VPS13B: variants seen among roughly 807,000 people sequenced by gnomAD.
VPS13B encodes intermembrane lipid transfer protein VPS13B.
A neutral mutation model predicts 426.4 loss-of-function variants in VPS13B; 285 were observed. That is an observed-to-expected ratio of 0.67 (90% CI 0.61 to 0.74). VPS13B has a LOEUF of 0.74. Ranked by LOEUF, VPS13B falls within the 30% of genes least tolerant of loss-of-function variation. The pLI is 0.00. For missense variants in VPS13B, 4,537 were observed against 4,782.6 expected, an observed-to-expected ratio of 0.95 and a Z score of 1.51; for synonymous variants, 1,676 against 1,676.4, an observed-to-expected ratio of 1.00 and a Z score of 0.01.
At chr8:99,059,421 C>T (rs541734402) in intron 3 of VPS13B, among the ~76,000 whole-genome samples, 1 of 152,202 alleles carries the variant, frequency 6.6e-6, no homozygotes, top group African/African-American at 2.4e-5. Flanking sequence ...AGCTATTTTC[C>T]CACCTTGGCC....
chr8:99,755,668 G>C (rs2130564046), intron 39 of VPS13B, among the ~76,000 whole-genome samples: 1 of 152,200 alleles, frequency 6.6e-6, no homozygotes, highest in Middle Eastern at 3.4e-3. Flanking sequence ...TACTCAGGAG[G>C]CTGAGGCAGG....
chr8:99,286,212 A>G lies in VPS13B; in HGVS notation c.2824+10958A>G, dbSNP rs79022363. Reference sequence around the variant, plus strand: ...TATTCAGTAAATGTAGGCTGGTCCAAAGGAAATTATTTTTGCCATTTGGGC... The same window carrying G: ...TATTCAGTAAATGTAGGCTGGTCCAGAGGAAATTATTTTTGCCATTTGGGC... On this transcript the variant is annotated intron_variant, in intron 19 of 61. Coordinates refer to ENST00000357162, the MANE Select transcript of VPS13B (RefSeq NM_152564.5). Among the ~76,000 whole-genome samples, 829 of 152,306 alleles carry G rather than the reference A, an allele frequency of 5.4e-3. 12 individuals are homozygous for G. Among genetic ancestry groups the G allele is most frequent in the African/African-American group, 0.018 (746 of 41,580 alleles).
intron 32 of VPS13B, among the ~76,000 whole-genome samples, chr8:99,576,961 T>A (rs1434622668): frequency 6.6e-6 from 1 of 152,174 alleles, no homozygotes; most frequent in African/African-American, 2.4e-5. Context: ...ACTGTGGCTC[T>A]TAGCAATTAA....
chr8:99,469,166 T>G (rs978587256), intron 24 of VPS13B, among the ~76,000 whole-genome samples: 2 of 143,638 alleles, frequency 1.4e-5, no homozygotes, highest in African/African-American at 5.2e-5. Flanking sequence ...TTTCTTTCTT[T>G]CCTTTTTTTT....
intron 39 of VPS13B, among the ~76,000 whole-genome samples, chr8:99,724,396 C>A (rs1175883231): frequency 6.6e-6 from 1 of 152,112 alleles, no homozygotes; most frequent in Non-Finnish European, 1.5e-5. Context: ...CAGCTAAAAT[C>A]CTCAACAGCT....
In VPS13B at chr8:99,066,179, A is replaced by G. The variant is rs188390608; in HGVS notation, c.291+27613A>G. 1.6e-4 allele frequency among the ~76,000 whole-genome samples: 24 copies of G among 152,404 alleles called. No homozygotes were observed. The East Asian group carries it at 4.4e-3, about 28-fold the overall frequency. Reference sequence around the variant, plus strand: ...TAAAGTTCATATGGAACCAAAAAAGAGCCTGCATAGGCAATACAATCCTAA... The same window carrying G: ...TAAAGTTCATATGGAACCAAAAAAGGGCCTGCATAGGCAATACAATCCTAA... On this transcript the variant is annotated intron_variant, in intron 3 of 61. Transcript: ENST00000357162.
intron 21 of VPS13B, among the ~76,000 whole-genome samples, chr8:99,415,820 G>T (rs1032098921): frequency 6.6e-6 from 1 of 152,192 alleles, no homozygotes; most frequent in Admixed American, 6.5e-5. Flanking sequence ...CCAGATGCCA[G>T]CTGGAGCTCT....
At chr8:99,834,962 G>C (rs762660438) in intron 52 of VPS13B, among the ~76,000 whole-genome samples, 4 of 152,162 alleles carry the variant, frequency 2.6e-5, no homozygotes, top group Non-Finnish European at 4.4e-5. Context: ...TTAGCACAAG[G>C]TTAGCTATAG....
At chr8:99,038,295 A>C in intron 2 of VPS13B, 128 bp from the exon 3 acceptor site, 2 of 655,778 alleles carry the variant, frequency 3.0e-6, no homozygotes, top group Non-Finnish European at 2.4e-6. Flanking sequence ...GAAAAATATT[A>C]AGCACTAAAC....
intron 24 of VPS13B, among the ~76,000 whole-genome samples, chr8:99,475,878 A>G (rs1213993411): frequency 6.6e-6 from 1 of 152,152 alleles, no homozygotes; most frequent in African/African-American, 2.4e-5. Context: ...ATGCACTGAG[A>G]GTTCATTTTT....
chr8:99,286,230 A>G (rs1017096279), intron 19 of VPS13B, among the ~76,000 whole-genome samples: 2 of 152,192 alleles, frequency 1.3e-5, no homozygotes, highest in Admixed American at 1.3e-4. Context: ...TATTTTTGCC[A>G]TTTGGGCATA....
intron 43 of VPS13B, among the ~76,000 whole-genome samples, chr8:99,793,848 G>A (rs1812680410): frequency 6.6e-6 from 1 of 152,250 alleles, no homozygotes. Context: ...AGGTTTGATA[G>A]CTGCATGAAG....
chr8:99,208,999 G>A (rs1001116207), intron 17 of VPS13B, among the ~76,000 whole-genome samples: 39 of 152,160 alleles, frequency 2.6e-4, no homozygotes, highest in Admixed American at 2.2e-3. Flanking sequence ...GAAATAATGC[G>A]ACTGGGCAGG....
In VPS13B at chr8:99,698,877, A is replaced by G. The variant is rs541648462; in HGVS notation, c.6047-648A>G. Among the ~76,000 whole-genome samples, 251 of 152,344 alleles carry G rather than the reference A, an allele frequency of 1.6e-3. 1 individual carries two copies. Among genetic ancestry groups the G allele is most frequent in the Non-Finnish European group, 3.0e-3 (206 of 68,024 alleles). ...GACAAATAAGGACAACATGTGGTATATGGTACATATAAAATGGACTACAGA... is the reference window on the plus strand; with the variant it reads ...GACAAATAAGGACAACATGTGGTATGTGGTACATATAAAATGGACTACAGA... On this transcript the variant is annotated intron_variant, in intron 35 of 61. Transcript: ENST00000357162.
rs547061689 is a variant in VPS13B at position 99,640,209 on chromosome 8, C to G, written c.5221-1602C>G. 2.0e-5 allele frequency among the ~76,000 whole-genome samples: 3 copies of G among 152,090 alleles called. No individual in the cohort carries two copies. In the South Asian group the frequency reaches 6.2e-4, roughly 32 times the overall value. Reference sequence around the variant, plus strand: ...GCAGCCTTTTTGGATAGATGTTTGACAATATTCAGTAACTTTAAACTTTTT... The same window carrying G: ...GCAGCCTTTTTGGATAGATGTTTGAGAATATTCAGTAACTTTAAACTTTTT... On this transcript the variant is annotated intron_variant, in intron 33 of 61. Transcript: ENST00000357162.
chr8:99,230,854 T>C (rs1816285571), intron 17 of VPS13B, among the ~76,000 whole-genome samples: 1 of 152,256 alleles, frequency 6.6e-6, no homozygotes, highest in South Asian at 2.1e-4. Context: ...TGAAATCTAC[T>C]CTGGTTTCAG....
At chr8:99,102,455 C>T (rs546632495) in intron 4 of VPS13B, among the ~76,000 whole-genome samples, 13 of 151,984 alleles carry the variant, frequency 8.6e-5, no homozygotes, top group South Asian at 2.1e-4. Context: ...TTCTTCTATC[C>T]GAGGCATAAC....
At chr8:99,136,309 A>G (rs1810065948) in intron 11 of VPS13B, among the ~76,000 whole-genome samples, 1 of 152,080 alleles carries the variant, frequency 6.6e-6, no homozygotes, top group South Asian at 2.1e-4. Flanking sequence ...TTGTTTCATG[A>G]TATGAAGTAT....
intron 27 of VPS13B, among the ~76,000 whole-genome samples, chr8:99,504,948 A>C (rs919203277): frequency 3.9e-5 from 6 of 151,970 alleles, no homozygotes. Context: ...GAACTGAGCT[A>C]CATCTTTTGT....
Sources: gnomAD v4.1 joint callset for allele counts (sites outside exome capture counted in the v4.1 genomes callset) on GRCh38, gnomAD v4.1.1 for gene constraint, MANE v1.5 for transcripts, NCBI Gene and HGNC (gene_info 2026-07-23, HGNC 2026-07-21) for gene names.